The following FHL2 variants were observed in gnomAD, a reference collection of about 807,000 sequenced individuals.
The protein encoded by FHL2 is four and a half LIM domains protein 2.
In FHL2, 20 loss-of-function variants were observed where a neutral mutation model predicts 32.7. The ratio of observed to expected loss-of-function variants is 0.61; its 90% CI spans 0.43 to 0.89. The LOEUF (loss-of-function observed/expected upper bound fraction) is 0.89. Ranked by LOEUF, FHL2 falls within the 40% of genes least tolerant of loss-of-function variation. The pLI is 0.00. For synonymous variants in FHL2, 123 were observed against 128.1 expected (o/e 0.96, Z 0.27); for missense variants, 311 against 358.6 (o/e 0.87, Z 1.07).
chr2:105,364,462 G>A (rs1281481631), intron 5 of FHL2, among the ~76,000 whole-genome samples: 6 of 152,228 alleles, frequency 3.9e-5, no homozygotes, highest in Admixed American at 2.0e-4. Context: ...ATTCTCACCT[G>A]TCTTGTGGTC....
upstream of FHL2, among the ~76,000 whole-genome samples, chr2:105,402,979 T>G (rs1212112176): frequency 6.6e-6 from 1 of 152,242 alleles, no homozygotes; most frequent in African/African-American, 2.4e-5. Context: ...TTTGAATCTC[T>G]GTTCTATCTA....
intron 1 of FHL2, among the ~76,000 whole-genome samples, chr2:105,419,047 G>C (rs1436122129): frequency 6.6e-6 from 1 of 152,116 alleles, no homozygotes; most frequent in African/African-American, 2.4e-5. Context: ...TTGTATACAA[G>C]TATTTTCTTT....
chr2:105,385,974 C>T (rs1053825782), intron 3 of FHL2: 1 of 357,716 alleles, frequency 2.8e-6, no homozygotes, highest in African/African-American at 2.1e-5. Context: ...ATTCATTCAT[C>T]AAATATTGAC....
intron 1 of FHL2, among the ~76,000 whole-genome samples, chr2:105,415,809 T>G (rs1683915478): frequency 6.6e-6 from 1 of 152,236 alleles, no homozygotes; most frequent in Non-Finnish European, 1.5e-5. Context: ...TAACCCCAAG[T>G]TAAGTACCAG....
intron 5 of FHL2, among the ~76,000 whole-genome samples, 160 bp from the exon 6 acceptor site, chr2:105,363,631 C>G (rs1573275413): frequency 6.6e-6 from 1 of 152,258 alleles, no homozygotes; most frequent in East Asian, 1.9e-4. Flanking sequence ...ACTCGTCACC[C>G]TCACCACACG....
intron 3 of FHL2, chr2:105,377,810 C>A: frequency 3.0e-6 from 1 of 337,388 alleles, no homozygotes; most frequent in South Asian, 2.4e-5. Context: ...GACAAGAGAC[C>A]TGAAGGAGTA....
chr2:105,429,260 A>G (rs576233405), intron 1 of FHL2, among the ~76,000 whole-genome samples: 1 of 152,334 alleles, frequency 6.6e-6, no homozygotes, highest in South Asian at 2.1e-4. Context: ...AGTAATTGGT[A>G]GCAAAATGAT....
intron 3 of FHL2, chr2:105,386,005 C>T (rs553697830): frequency 2.8e-5 from 11 of 397,486 alleles, no homozygotes; most frequent in South Asian, 1.2e-4. Flanking sequence ...ACCTGCTCCA[C>T]GTTACTCACC....
chr2:105,426,211 CT>C (rs1684265002), intron 1 of FHL2, among the ~76,000 whole-genome samples: 2 of 152,182 alleles, frequency 1.3e-5, no homozygotes, highest in African/African-American at 4.8e-5. Flanking sequence ...AGGTTCTCTG[CT>C]GCCATAAGGA....
In FHL2 at chr2:105,434,347, G is replaced by A. The variant is rs186321718; in HGVS notation, c.-25+4052C>T. On this transcript the variant is annotated intron_variant, in intron 1 of 5. Transcript: ENST00000393352. The stretch of plus-strand genomic sequence containing the variant: ...AGTACTTTGGGAGGCTGAGGTGGGC[G>A]GATCGCCTGAGGTCAGGAGTTCGAG... 4.5e-4 allele frequency among the ~76,000 whole-genome samples: 68 copies of A among 152,302 alleles called. No individual in the cohort carries two copies. In the South Asian group the frequency reaches 8.9e-3, roughly 20 times the overall value.
chr2:105,408,726 A>G (rs1230720426), intron 1 of FHL2, among the ~76,000 whole-genome samples: 2 of 152,200 alleles, frequency 1.3e-5, no homozygotes, highest in Non-Finnish European at 1.5e-5. Context: ...CGTCATCACT[A>G]CTACCACCAT....
At chr2:105,433,065 G>A (rs942130575) in intron 1 of FHL2, among the ~76,000 whole-genome samples, 1 of 152,152 alleles carries the variant, frequency 6.6e-6, no homozygotes, top group African/African-American at 2.4e-5. Context: ...TAGCTCTCAG[G>A]GTTTAACTAG....
chr2:105,373,225 G>C (rs1681221679), intron 4 of FHL2, among the ~76,000 whole-genome samples: 1 of 152,184 alleles, frequency 6.6e-6, no homozygotes, highest in Non-Finnish European at 1.5e-5. Flanking sequence ...GCAGGTAGAA[G>C]GGAAGAAAAG....
chr2:105,420,373 G>A (rs903081551), intron 1 of FHL2, among the ~76,000 whole-genome samples: 2 of 152,050 alleles, frequency 1.3e-5, no homozygotes, highest in Non-Finnish European at 2.9e-5. Flanking sequence ...TTTTACAAGG[G>A]CACCACTCAT....
chr2:105,376,482 G>A (rs1376453960), intron 3 of FHL2: 3 of 152,174 alleles, frequency 2.0e-5, no homozygotes, highest in African/African-American at 7.2e-5. Flanking sequence ...ATCATTAGAA[G>A]CCCTATCCAC....
In FHL2 at chr2:105,393,315, C is replaced by G. The variant is rs547936777; in HGVS notation, c.-25+3332G>C. On this transcript the variant is annotated intron_variant, in intron 2 of 6. Transcript: ENST00000530340. ...CTAAGGAGAAATCTGTGAACGTCCC[C>G]AAGCCCTTCCTGCATGCAGCCCTTC... Among the ~76,000 whole-genome samples the G allele has an allele frequency of 2.6e-5, 4 of 152,252 alleles. No individual in the cohort carries two copies. In the South Asian group the frequency reaches 8.3e-4, roughly 32 times the overall value.
In FHL2 at chr2:105,367,669, C is replaced by A. The variant is rs199585402; in HGVS notation, c.402G>T (p.Gln134His). Reference sequence around the variant, plus strand: ...GGATGAAACTCTTGGTTCCAATTGGCTGCTGGCAGCGGTGGCAGATGAAGC... The same window carrying A: ...GGATGAAACTCTTGGTTCCAATTGGATGCTGGCAGCGGTGGCAGATGAAGC... Reference protein sequence around the residue: ...ETCFICHRCQQPIGTKSFIPK... With the variant: ...ETCFICHRCQHPIGTKSFIPK... Residue 134 changes from glutamine (Q) to histidine (H), a missense_variant, in exon 5 of 7, where the codon CAG becomes CAT. Coordinates refer to ENST00000530340, the MANE Select transcript of FHL2 (RefSeq NM_001318895.3). 3 of 1,614,098 alleles carry A rather than the reference C, an allele frequency of 1.9e-6. No individual in the cohort carries two copies. Among genetic ancestry groups the A allele is most frequent in the Middle Eastern group, 3.3e-4 (2 of 6,084 alleles).
chr2:105,375,133 ATGTGTGTGTGTG>A (rs34073273), intron 3 of FHL2: 4 of 150,286 alleles, frequency 2.7e-5, no homozygotes, highest in Admixed American at 2.6e-4. Context: ...TTGCTGAAGT[ATGTGTGTGTGTG>A]TGTGTGTGTG....
At chr2:105,425,029 A>G (rs1684216631) in intron 1 of FHL2, among the ~76,000 whole-genome samples, 1 of 152,168 alleles carries the variant, frequency 6.6e-6, no homozygotes, top group South Asian at 2.1e-4. Flanking sequence ...TATATATTGT[A>G]GGGAAAAGAA....
Sources: allele counts gnomAD v4.1 joint callset (sites outside exome capture counted in the v4.1 genomes callset), GRCh38; gene constraint gnomAD v4.1.1; transcripts MANE v1.5; gene names NCBI Gene and HGNC (gene_info 2026-07-23, HGNC 2026-07-21).